FRMPD1: variants seen among roughly 807,000 people sequenced by gnomAD.
FRMPD1 encodes FERM and PDZ domain containing 1, also known as FERM and PDZ domain-containing protein 1.
FRMPD1 carries 76 observed loss-of-function variants against 117.8 expected under a neutral mutation model. The observed-to-expected ratio is 0.65, with a 90% CI of 0.54 to 0.78. The LOEUF is 0.78. Ranked by LOEUF, FRMPD1 falls within the 30% of genes least tolerant of loss-of-function variation. The pLI is 0.00. For synonymous variants in FRMPD1, 783 were observed against 770.4 expected (o/e 1.02, Z -0.27); for missense variants, 1,786 against 1,964.5 (o/e 0.91, Z 1.72).
chr9:37,715,593 G>T, intron 5 of FRMPD1: 1 of 454,422 alleles, frequency 2.2e-6, no homozygotes, highest in South Asian at 1.6e-5. Context: ...AATTAATTTA[G>T]AATCCAGAGA....
chr9:37,653,204 G>C (rs1820734262), intron 1 of FRMPD1, among the ~76,000 whole-genome samples: 1 of 152,132 alleles, frequency 6.6e-6, no homozygotes, highest in Admixed American at 6.5e-5. Flanking sequence ...TTCGTAAAAC[G>C]GGAATAATAA....
the FRMPD1 span, among the ~76,000 whole-genome samples, chr9:37,641,146 C>A: frequency 6.6e-6 from 1 of 152,150 alleles, no homozygotes; most frequent in Non-Finnish European, 1.5e-5. Context: ...CCGCAGCCTC[C>A]CAAAGTGCTG....
chr9:37,633,376 T>G, the FRMPD1 span, among the ~76,000 whole-genome samples: 2 of 152,222 alleles, frequency 1.3e-5, no homozygotes, highest in Non-Finnish European at 1.5e-5. Context: ...ATAGTTAAAT[T>G]TCTTTCTAGA....
chr9:37,608,443 CTTTT>C, the FRMPD1 span, among the ~76,000 whole-genome samples: 1 of 143,534 alleles, frequency 7.0e-6, no homozygotes, highest in Admixed American at 7.1e-5. Context: ...ATCCTTCCTT[CTTTT>C]CTTTTCCTTT....
At chr9:37,715,729 G>A (rs1344798020) in intron 5 of FRMPD1, 1 of 456,162 alleles carries the variant, frequency 2.2e-6, no homozygotes, top group East Asian at 6.9e-5. Flanking sequence ...GATATTCATG[G>A]TAGCAGAGCT....
At chr9:37,741,906 A>T (rs1824441119) in intron 15 of FRMPD1, among the ~76,000 whole-genome samples, 1 of 152,222 alleles carries the variant, frequency 6.6e-6, no homozygotes, top group African/African-American at 2.4e-5. Context: ...TTCCTCAGAG[A>T]ACATTTCCCA....
the FRMPD1 span, among the ~76,000 whole-genome samples, chr9:37,641,374 C>A: frequency 6.6e-6 from 1 of 152,220 alleles, no homozygotes; most frequent in African/African-American, 2.4e-5. Context: ...ATGCCTGCAA[C>A]ACCCCAGAGC....
chr9:37,722,022 A>C (rs1823420716), intron 6 of FRMPD1, among the ~76,000 whole-genome samples: 4 of 152,212 alleles, frequency 2.6e-5, no homozygotes, highest in Non-Finnish European at 5.9e-5. Flanking sequence ...AAACCTTTTA[A>C]ATCACAAAGA....
At chr9:37,650,361 A>G (rs1226716833), upstream of FRMPD1, among the ~76,000 whole-genome samples, 1 of 152,016 alleles carries the variant, frequency 6.6e-6, no homozygotes, top group Non-Finnish European at 1.5e-5. Context: ...CCTCAAGGAG[A>G]CCGAGGGAGT....
chr9:37,717,888 A>G (rs560616049), intron 5 of FRMPD1, among the ~76,000 whole-genome samples: 20 of 152,244 alleles, frequency 1.3e-4, no homozygotes, highest in Non-Finnish European at 1.9e-4. Flanking sequence ...GCTCATTCGA[A>G]GCAATCTGAT....
At chr9:37,645,297 T>C in the FRMPD1 span, among the ~76,000 whole-genome samples, 2 of 152,222 alleles carry the variant, frequency 1.3e-5, no homozygotes, top group African/African-American at 4.8e-5. Flanking sequence ...GTGATAATCA[T>C]TCCCAATTCT....
the FRMPD1 span, among the ~76,000 whole-genome samples, chr9:37,645,911 C>T: frequency 6.6e-6 from 1 of 152,168 alleles, no homozygotes; most frequent in Non-Finnish European, 1.5e-5. Flanking sequence ...GTTTAGGGCT[C>T]AGGGAACATT....
At chr9:37,691,785 T>A (rs955951286) in intron 1 of FRMPD1, among the ~76,000 whole-genome samples, 2 of 152,186 alleles carry the variant, frequency 1.3e-5, no homozygotes, top group African/African-American at 2.4e-5. Context: ...GTGCCTGTAG[T>A]CCCAGCTACT....
chr9:37,613,595 C>A, the FRMPD1 span, among the ~76,000 whole-genome samples: 6 of 152,166 alleles, frequency 3.9e-5, no homozygotes, highest in African/African-American at 1.4e-4. Context: ...TTGTTCCTAG[C>A]GTTCTCTGAA....
intron 1 of FRMPD1, among the ~76,000 whole-genome samples, chr9:37,685,515 G>A (rs978952311): frequency 2.6e-5 from 4 of 152,084 alleles, no homozygotes; most frequent in East Asian, 1.9e-4. Context: ...AGCCGGGCGT[G>A]GTGGCGGGCG....
the FRMPD1 span, among the ~76,000 whole-genome samples, chr9:37,608,675 G>A: frequency 1.3e-5 from 2 of 152,104 alleles, no homozygotes; most frequent in South Asian, 2.1e-4. Flanking sequence ...TCATTCCTGG[G>A]AATTGACACA....
intron 2 of FRMPD1, among the ~76,000 whole-genome samples, chr9:37,704,970 C>T (rs1723320067): frequency 6.6e-6 from 1 of 151,984 alleles, no homozygotes; most frequent in African/African-American, 2.4e-5. Context: ...TACATTAGTA[C>T]ACATCACTAG....
chr9:37,625,983 G>A, the FRMPD1 span, among the ~76,000 whole-genome samples: 2 of 152,220 alleles, frequency 1.3e-5, no homozygotes, highest in Non-Finnish European at 2.9e-5. Flanking sequence ...AGCACTTTGG[G>A]AGACCACGAG....
chr9:37,681,899 CAA>C (rs1467337919), intron 1 of FRMPD1, among the ~76,000 whole-genome samples: 21 of 152,294 alleles, frequency 1.4e-4, no homozygotes, highest in Middle Eastern at 3.4e-3. Flanking sequence ...AAACACAAGA[CAA>C]GAGCATAAAG....
Sources: gnomAD v4.1 joint callset for allele counts (sites outside exome capture counted in the v4.1 genomes callset) on GRCh38, gnomAD v4.1.1 for gene constraint, MANE v1.5 for transcripts, NCBI Gene and HGNC (gene_info 2026-07-23, HGNC 2026-07-21) for gene names.